Variants in SYNPR observed in about 807,000 individuals in gnomAD.
The protein encoded by SYNPR is synaptoporin.
SYNPR carries 23 observed loss-of-function variants against 32.9 expected under a neutral mutation model. The ratio of observed to expected loss-of-function variants is 0.70; its 90% CI spans 0.50 to 0.99. SYNPR has a LOEUF of 0.99. Ranked by LOEUF, SYNPR falls within the 50% of genes least tolerant of loss-of-function variation. The pLI, the probability that SYNPR is intolerant of heterozygous loss-of-function variation, is 0.00. For synonymous variants in SYNPR, 146 were observed against 135.9 expected (o/e 1.07, Z -0.52); for missense variants, 318 against 349.3 (o/e 0.91, Z 0.71).
intron 2 of SYNPR, among the ~76,000 whole-genome samples, chr3:63,311,220 T>C (rs944223067): frequency 1.3e-5 from 2 of 151,994 alleles, no homozygotes; most frequent in Admixed American, 6.6e-5. Flanking sequence ...ATTTTGTGAA[T>C]CTCAATTGTC....
At chr3:63,414,599 A>C (rs777417584) in intron 2 of SYNPR, among the ~76,000 whole-genome samples, 3 of 152,222 alleles carry the variant, frequency 2.0e-5, no homozygotes, top group Non-Finnish European at 2.9e-5. Flanking sequence ...CTTCACTAAC[A>C]AAAAGATAGG....
intron 2 of SYNPR, among the ~76,000 whole-genome samples, chr3:63,290,078 A>G (rs987259225): frequency 2.0e-5 from 3 of 151,448 alleles, no homozygotes; most frequent in Admixed American, 6.6e-5. Context: ...TGCAGTGAGC[A>G]GAGATCACGC....
chr3:63,445,817 A>G (rs2107167776), intron 2 of SYNPR, among the ~76,000 whole-genome samples: 2 of 152,304 alleles, frequency 1.3e-5, no homozygotes, highest in East Asian at 1.9e-4. Context: ...TCATTGGTAC[A>G]ATCTACAACA....
intron 2 of SYNPR, among the ~76,000 whole-genome samples, chr3:63,418,486 G>A (rs1298075613): frequency 2.6e-5 from 4 of 152,130 alleles, no homozygotes; most frequent in African/African-American, 4.8e-5. Flanking sequence ...TTACAGCAGC[G>A]CCCCTCTCTA....
At chr3:63,611,349 G>A (rs531656609) in intron 5 of SYNPR, among the ~76,000 whole-genome samples, 1 of 152,294 alleles carries the variant, frequency 6.6e-6, no homozygotes, top group South Asian at 2.1e-4. Context: ...CCAGGAGAGA[G>A]CTCAAGCCAT....
chr3:63,536,347 A>G (rs777031363), intron 3 of SYNPR, among the ~76,000 whole-genome samples: 2 of 152,170 alleles, frequency 1.3e-5, no homozygotes, highest in Non-Finnish European at 2.9e-5. Flanking sequence ...ACAAATAGCC[A>G]AAAAGCACAT....
chr3:63,261,381 C>A (rs1319077699), intron 2 of SYNPR, among the ~76,000 whole-genome samples: 1 of 151,792 alleles, frequency 6.6e-6, no homozygotes. Context: ...GGATACTATG[C>A]AGCCATAAAA....
At chr3:63,519,808 G>A (rs761404180) in intron 3 of SYNPR, among the ~76,000 whole-genome samples, 1 of 152,070 alleles carries the variant, frequency 6.6e-6, no homozygotes, top group Non-Finnish European at 1.5e-5. Flanking sequence ...CTCTTTAATG[G>A]CACCTTTATT....
chr3:63,229,457 A>C (rs2086151998), intron 1 of SYNPR, among the ~76,000 whole-genome samples: 1 of 152,188 alleles, frequency 6.6e-6, no homozygotes, highest in Non-Finnish European at 1.5e-5. Context: ...TTTACCCCAC[A>C]TCACTCTCAT....
chr3:63,587,543 C>G (rs1703210617), intron 4 of SYNPR, among the ~76,000 whole-genome samples: 1 of 151,886 alleles, frequency 6.6e-6, no homozygotes, highest in Admixed American at 6.6e-5. Context: ...CAGTTTCTTC[C>G]CATTTTAATA....
At chr3:63,293,968 C>A (rs1390419884) in intron 2 of SYNPR, among the ~76,000 whole-genome samples, 1 of 152,122 alleles carries the variant, frequency 6.6e-6, no homozygotes, top group African/African-American at 2.4e-5. Context: ...CCAATTTAGC[C>A]CCTAACAAAT....
chr3:63,406,261 A>C (rs2088358057), intron 2 of SYNPR, among the ~76,000 whole-genome samples: 1 of 151,832 alleles, frequency 6.6e-6, no homozygotes, highest in Non-Finnish European at 1.5e-5. Flanking sequence ...ACATCCCTGT[A>C]TTTTCAGTGA....
At chr3:63,605,357 T>G (rs1352669898) in intron 4 of SYNPR, among the ~76,000 whole-genome samples, 1 of 152,194 alleles carries the variant, frequency 6.6e-6, no homozygotes, top group Non-Finnish European at 1.5e-5. Flanking sequence ...GAATTTGCCC[T>G]TCTACACGAT....
chr3:63,421,329 A>G (rs188034053), intron 2 of SYNPR, among the ~76,000 whole-genome samples: 1 of 147,412 alleles, frequency 6.8e-6, no homozygotes, highest in Non-Finnish European at 1.5e-5. Context: ...TTTTATTTGT[A>G]ATAGCCAAAA....
At chr3:63,499,012 T>A (rs553865070) in intron 3 of SYNPR, among the ~76,000 whole-genome samples, 2 of 151,204 alleles carry the variant, frequency 1.3e-5, no homozygotes, top group South Asian at 4.2e-4. Context: ...TGATCTGATT[T>A]ACATATTTTA....
At chr3:63,546,909 T>G (rs1368930381) in intron 3 of SYNPR, among the ~76,000 whole-genome samples, 1 of 152,168 alleles carries the variant, frequency 6.6e-6, no homozygotes, top group African/African-American at 2.4e-5. Context: ...AAACTGTTTT[T>G]GATTCAACCA....
chr3:63,546,963 G>A (rs1702416867), intron 3 of SYNPR, among the ~76,000 whole-genome samples: 1 of 152,070 alleles, frequency 6.6e-6, no homozygotes, highest in Admixed American at 6.6e-5. Context: ...TGGCTGCCTG[G>A]AAAATGCCAT....
At chr3:63,613,187 T>C (rs1700227037) in intron 5 of SYNPR, among the ~76,000 whole-genome samples, 1 of 151,740 alleles carries the variant, frequency 6.6e-6, no homozygotes, top group South Asian at 2.1e-4. Flanking sequence ...TCTTGCTATG[T>C]TGCCCAGGCA....
intron 2 of SYNPR, among the ~76,000 whole-genome samples, chr3:63,356,843 A>G (rs1486048753): frequency 6.6e-6 from 1 of 152,262 alleles, no homozygotes; most frequent in African/African-American, 2.4e-5. Flanking sequence ...AAATAAAACA[A>G]AGCAATAAGT....
Sources: gnomAD v4.1 joint callset for allele counts (sites outside exome capture counted in the v4.1 genomes callset) on GRCh38, gnomAD v4.1.1 for gene constraint, MANE v1.5 for transcripts, NCBI Gene and HGNC (gene_info 2026-07-23, HGNC 2026-07-21) for gene names.